The following PXDNL variants were observed in gnomAD, a reference collection of about 807,000 sequenced individuals.
PXDNL encodes peroxidasin like.
In PXDNL, 145 loss-of-function variants were observed where a neutral mutation model predicts 150.8. The observed-to-expected ratio is 0.96, with a 90% confidence interval of 0.84 to 1.10. The LOEUF (loss-of-function observed/expected upper bound fraction) is 1.10, where lower values mean the gene tolerates loss of function less well. Among genes scored for constraint, PXDNL ranks in the 50% least tolerant of loss-of-function variants. The pLI is 0.00. For missense variants in PXDNL, 2,087 were observed against 1,873.9 expected (o/e 1.11, Z -2.10); for synonymous variants, 757 against 725.7 (o/e 1.04, Z -0.69).
intron 1 of PXDNL, among the ~76,000 whole-genome samples, chr8:51,700,838 A>G (rs1186481776): frequency 6.6e-6 from 1 of 151,282 alleles, no homozygotes; most frequent in African/African-American, 2.5e-5. Flanking sequence ...ATACACACAT[A>G]TACACATACA....
At chr8:51,378,336 T>G (rs1181369787) in intron 17 of PXDNL, among the ~76,000 whole-genome samples, 1 of 152,204 alleles carries the variant, frequency 6.6e-6, no homozygotes, top group Admixed American at 6.5e-5. Context: ...GCACCCTGTG[T>G]CTAGCTCAAG....
At chr8:51,785,780 T>G (rs1000939118) in intron 1 of PXDNL, among the ~76,000 whole-genome samples, 2 of 152,152 alleles carry the variant, frequency 1.3e-5, no homozygotes, top group Non-Finnish European at 2.9e-5. Flanking sequence ...GTATTGAAAT[T>G]AGACCAACTA....
chr8:51,625,109 A>C (rs1194459120), intron 2 of PXDNL, among the ~76,000 whole-genome samples: 1 of 152,174 alleles, frequency 6.6e-6, no homozygotes, highest in Non-Finnish European at 1.5e-5. Context: ...GTACCTGAAA[A>C]GGTAGCTACA....
chr8:51,419,204 T>G (rs1808882311), intron 14 of PXDNL, among the ~76,000 whole-genome samples: 1 of 152,208 alleles, frequency 6.6e-6, no homozygotes, highest in African/African-American at 2.4e-5. Flanking sequence ...GAGATAACAT[T>G]GCCTAGCATT....
At chr8:51,358,468 T>C (rs1428102166) in intron 19 of PXDNL, among the ~76,000 whole-genome samples, 1 of 152,126 alleles carries the variant, frequency 6.6e-6, no homozygotes, top group Admixed American at 6.5e-5. Flanking sequence ...GCCCCCATAA[T>C]AGTGTGTAAA....
At chr8:51,704,518 T>G (rs1816322319) in intron 1 of PXDNL, among the ~76,000 whole-genome samples, 1 of 152,256 alleles carries the variant, frequency 6.6e-6, no homozygotes, top group Non-Finnish European at 1.5e-5. Flanking sequence ...TTACCTGCCC[T>G]AAGTTATGCA....
Position 51,475,063 on chromosome 8 carries a change from G to A in PXDNL, c.603C>T (p.His201=), listed in dbSNP as rs762791402. Reference sequence around the variant, plus strand: ...AGGTAGCCGCAGCCTGGGTGTGGCCGTGTTGGGCAAAGCCTTGTAAAAGCT... The same window carrying A: ...AGGTAGCCGCAGCCTGGGTGTGGCCATGTTGGGCAAAGCCTTGTAAAAGCT... The part of the protein sequence containing the change: ...LGELLQGFAQ[H]GHTQAAATCE... The change falls in exon 7 of 23, where the codon CAC becomes CAT. Residue 201 remains histidine, a synonymous_variant. Transcript: ENST00000356297. The A allele has an allele frequency of 1.1e-5, 18 of 1,613,796 alleles. No individual in the cohort carries two copies. The highest frequency in any genetic ancestry group is 5.3e-5 in the African/African-American group (4 of 75,032).
At chr8:51,727,000 C>T (rs963925381) in intron 1 of PXDNL, among the ~76,000 whole-genome samples, 1 of 152,134 alleles carries the variant, frequency 6.6e-6, no homozygotes, top group Non-Finnish European at 1.5e-5. Flanking sequence ...TGGTCCTTGG[C>T]GGGCCTCCCT....
intron 1 of PXDNL, among the ~76,000 whole-genome samples, chr8:51,752,634 G>C (rs1438119442): frequency 6.7e-6 from 1 of 148,808 alleles, no homozygotes; most frequent in Admixed American, 6.8e-5. Flanking sequence ...GGGTGGGTTT[G>C]GGTATGCCCC....
At chr8:51,766,350 T>A (rs182578965) in intron 1 of PXDNL, among the ~76,000 whole-genome samples, 1 of 152,222 alleles carries the variant, frequency 6.6e-6, no homozygotes, top group South Asian at 2.1e-4. Context: ...TATTATTTTA[T>A]CCAGTTTTCT....
chr8:51,487,368 G>C (rs927709870), intron 5 of PXDNL, among the ~76,000 whole-genome samples: 24 of 151,930 alleles, frequency 1.6e-4, no homozygotes, highest in African/African-American at 5.6e-4. Context: ...AGACTTTTGA[G>C]AAGTAGAGTT....
intron 8 of PXDNL, 63 bp downstream of exon 8, chr8:51,472,124 G>T: frequency 9.3e-7 from 1 of 1,079,280 alleles, no homozygotes; most frequent in South Asian, 1.4e-5. Flanking sequence ...GAGTTAAATT[G>T]AGTTAAAAAG....
At chr8:51,503,177 C>A (rs1316325963) in intron 4 of PXDNL, among the ~76,000 whole-genome samples, 1 of 152,050 alleles carries the variant, frequency 6.6e-6, no homozygotes, top group Non-Finnish European at 1.5e-5. Flanking sequence ...CCCAGAGATG[C>A]CCTGAAGGAC....
intron 14 of PXDNL, among the ~76,000 whole-genome samples, chr8:51,420,570 T>C (rs538865906): frequency 6.6e-6 from 1 of 152,368 alleles, no homozygotes; most frequent in African/African-American, 2.4e-5. Flanking sequence ...ATAACATTTA[T>C]TTTACTGTAT....
intron 14 of PXDNL, among the ~76,000 whole-genome samples, chr8:51,423,149 T>C (rs1809001244): frequency 2.0e-5 from 3 of 152,186 alleles, no homozygotes; most frequent in Non-Finnish European, 1.5e-5. Context: ...CTAGTGGTTG[T>C]AAAGTTTACT....
intron 8 of PXDNL, among the ~76,000 whole-genome samples, chr8:51,464,245 T>A (rs551058780): frequency 4.6e-4 from 70 of 151,652 alleles, no homozygotes; most frequent in African/African-American, 1.6e-3. Flanking sequence ...GTGCCTGTAG[T>A]CTCAGCTACT....
intron 3 of PXDNL, among the ~76,000 whole-genome samples, chr8:51,565,144 T>C (rs765200430): frequency 2.6e-5 from 4 of 151,778 alleles, no homozygotes; most frequent in Non-Finnish European, 5.9e-5. Flanking sequence ...AGTGCGGACA[T>C]GATGCAAGGG....
chr8:51,800,650 CAT>C (rs1175962071), intron 1 of PXDNL, among the ~76,000 whole-genome samples: 1 of 152,202 alleles, frequency 6.6e-6, no homozygotes, highest in Non-Finnish European at 1.5e-5. Context: ...AATATGGACA[CAT>C]ATCAGTTCCC....
intron 4 of PXDNL, among the ~76,000 whole-genome samples, chr8:51,553,063 C>T (rs1812526351): frequency 6.6e-6 from 1 of 152,228 alleles, no homozygotes; most frequent in Non-Finnish European, 1.5e-5. Flanking sequence ...AGTAAGTCCA[C>T]AATCCAACAG....
Sources: gnomAD v4.1 joint callset for allele counts (sites outside exome capture counted in the v4.1 genomes callset) on GRCh38, gnomAD v4.1.1 for gene constraint, MANE v1.5 for transcripts, NCBI Gene and HGNC (gene_info 2026-07-23, HGNC 2026-07-21) for gene names.